Variants in M1AP observed in about 807,000 individuals in gnomAD.
M1AP encodes the protein meiosis 1 associated protein.
In M1AP, 39 loss-of-function variants were observed where a neutral mutation model predicts 51.2. That is an observed-to-expected ratio of 0.76 (90% CI 0.59 to 1.00). M1AP has a LOEUF of 1.00. M1AP is among the 50% of genes least tolerant of loss of function. The pLI, the probability that M1AP is intolerant of heterozygous loss-of-function variation, is 0.00. For missense variants in M1AP, 545 were observed against 641.2 expected, an observed-to-expected ratio of 0.85 and a Z score of 1.62; for synonymous variants, 251 against 249.2, an observed-to-expected ratio of 1.01 and a Z score of -0.07.
chr2:74,648,179 A>G, intron 1 of M1AP, 86 bp downstream of exon 1: 1 of 958,344 alleles, frequency 1.0e-6, no homozygotes, highest in South Asian at 4.8e-5. Flanking sequence ...GACTGGCCCG[A>G]GCTCGGCCCA....
chr2:74,626,197 A>G (rs1682377304), intron 2 of M1AP, among the ~76,000 whole-genome samples: 1 of 150,994 alleles, frequency 6.6e-6, no homozygotes, highest in Non-Finnish European at 1.5e-5. Flanking sequence ...TACCATATAA[A>G]TTCCCTTATA....
At chr2:74,644,056 A>G (rs532070421) in intron 1 of M1AP, among the ~76,000 whole-genome samples, 2 of 152,322 alleles carry the variant, frequency 1.3e-5, no homozygotes, top group South Asian at 4.1e-4. Context: ...AACAAAAGAA[A>G]TATGATAAAA....
intron 2 of M1AP, among the ~76,000 whole-genome samples, chr2:74,621,459 T>A (rs1254740577): frequency 6.6e-6 from 1 of 151,940 alleles, no homozygotes; most frequent in Non-Finnish European, 1.5e-5. Context: ...GTTGTCCATG[T>A]AAAATACACA....
intron 2 of M1AP, among the ~76,000 whole-genome samples, chr2:74,622,620 A>G (rs755794230): frequency 4.8e-4 from 71 of 149,370 alleles, no homozygotes; most frequent in Middle Eastern, 7.0e-3. Flanking sequence ...CTCACATTAC[A>G]TATCTAGTAA....
intron 2 of M1AP, among the ~76,000 whole-genome samples, chr2:74,622,055 G>A (rs1682082009): frequency 6.6e-6 from 1 of 151,450 alleles, no homozygotes; most frequent in African/African-American, 2.4e-5. Context: ...GGGAGGCAGA[G>A]GATGCAGTGA....
intron 2 of M1AP, 103 bp from the exon 3 acceptor site, chr2:74,615,252 C>G (rs1681599424): frequency 2.8e-6 from 3 of 1,052,926 alleles, no homozygotes; most frequent in Non-Finnish European, 2.8e-6. Flanking sequence ...AGTTCCTTCC[C>G]TTCCTGAAAA....
chr2:74,576,825 G>A, intron 5 of M1AP: 1 of 1,316,820 alleles, frequency 7.6e-7, no homozygotes, highest in Non-Finnish European at 1.0e-6. Context: ...GGAAGCTATA[G>A]TATCTCTATC....
intron 7 of M1AP, among the ~76,000 whole-genome samples, chr2:74,564,439 C>T (rs1487587078): frequency 6.6e-6 from 1 of 152,132 alleles, no homozygotes; most frequent in African/African-American, 2.4e-5. Context: ...CATGATGCAT[C>T]CTCACTAGAA....
At chr2:74,640,409 A>G in intron 1 of M1AP, 82 bp from the exon 2 acceptor site, 3 of 1,218,542 alleles carry the variant, frequency 2.5e-6, no homozygotes, top group Non-Finnish European at 3.4e-6. Flanking sequence ...AAGTCGAGGG[A>G]AACAAATCCA....
intron 2 of M1AP, chr2:74,629,010 G>C: frequency 5.0e-6 from 1 of 201,044 alleles, no homozygotes; most frequent in East Asian, 1.3e-4. Flanking sequence ...AATGTCTTTA[G>C]TGTTTTTCCA....
chr2:74,615,921 C>T (rs1681642659), intron 2 of M1AP: 1 of 152,226 alleles, frequency 6.6e-6, no homozygotes, highest in Non-Finnish European at 1.5e-5. Context: ...GATGGGGACA[C>T]CTTCCTGACC....
rs142218065 is a variant in M1AP, at chr2:74,560,578, G to A, written c.1282-287C>T. 1.9e-3 allele frequency among the ~76,000 whole-genome samples: 295 copies of A among 152,284 alleles called. 1 individual carries two copies. Among genetic ancestry groups the A allele is most frequent in the African/African-American group, 7.0e-3 (289 of 41,544 alleles). ...GTCCAGGGGTTCTGAGGGGGCCGGC[G>A]CACATGAATGCTACAAGGGATCCAC... On this transcript the variant is annotated intron_variant, in intron 8 of 10. Coordinates refer to ENST00000421985, the MANE Select transcript of M1AP (RefSeq NM_001321739.2).
At chr2:74,559,785 A>G (rs1677778829) in intron 9 of M1AP, 76 bp from the exon 10 acceptor site, 2 of 711,376 alleles carry the variant, frequency 2.8e-6, no homozygotes, top group Non-Finnish European at 5.2e-6. Flanking sequence ...TGCTCTATAA[A>G]TATTAATTTC....
chr2:74,595,887 T>C (rs1205174054), intron 4 of M1AP, among the ~76,000 whole-genome samples: 1 of 152,218 alleles, frequency 6.6e-6, no homozygotes, highest in East Asian at 1.9e-4. Flanking sequence ...TTCTACATTT[T>C]ATATTAAATG....
At chr2:74,573,853 G>A (rs1224778048) in intron 7 of M1AP, among the ~76,000 whole-genome samples, 1 of 152,158 alleles carries the variant, frequency 6.6e-6, no homozygotes, top group Admixed American at 6.5e-5. Flanking sequence ...GTATTAAAAT[G>A]TCAATGTATG....
intron 4 of M1AP, among the ~76,000 whole-genome samples, chr2:74,594,009 T>C (rs1680187961): frequency 6.6e-6 from 1 of 152,068 alleles, no homozygotes; most frequent in Non-Finnish European, 1.5e-5. Flanking sequence ...TCTAGGTAAA[T>C]AGCTGATTGG....
At chr2:74,591,818 C>T (rs963140609) in intron 4 of M1AP, among the ~76,000 whole-genome samples, 8 of 152,136 alleles carry the variant, frequency 5.3e-5, no homozygotes, top group Admixed American at 2.0e-4. Flanking sequence ...CAGAGTCTCA[C>T]TCTGTCCTCT....
intron 2 of M1AP, chr2:74,619,183 A>T: frequency 4.3e-6 from 1 of 232,470 alleles, no homozygotes; most frequent in South Asian, 5.2e-5. Context: ...CCAAAAGTCA[A>T]GAGCTATCTC....
intron 7 of M1AP, among the ~76,000 whole-genome samples, chr2:74,573,127 A>T (rs913381334): frequency 6.6e-6 from 1 of 151,712 alleles, no homozygotes; most frequent in Non-Finnish European, 1.5e-5. Flanking sequence ...GCTCACTGCA[A>T]CCTCCGCCTC....
Sources: gnomAD v4.1 joint callset for allele counts (sites outside exome capture counted in the v4.1 genomes callset) on GRCh38, gnomAD v4.1.1 for gene constraint, MANE v1.5 for transcripts, NCBI Gene and HGNC (gene_info 2026-07-23, HGNC 2026-07-21) for gene names.